The following ABI3BP variants were observed in gnomAD, a reference collection of about 807,000 sequenced individuals.
ABI3BP encodes the protein ABI family member 3 binding protein.
Under a neutral mutation model 268.6 loss-of-function variants are expected in ABI3BP, and 216 were observed. That is an observed-to-expected ratio of 0.80 (90% CI 0.72 to 0.90). The LOEUF is 0.90. ABI3BP is among the 40% of genes least tolerant of loss of function. The pLI, the probability that ABI3BP is intolerant of heterozygous loss-of-function variation, is 0.00. For missense variants in ABI3BP, 2,090 were observed against 2,182.4 expected (o/e 0.96, Z 0.84); for synonymous variants, 730 against 730.0 (o/e 1.00, Z 0.00).
chr3:100,831,717 T>C (rs2098497954), intron 31 of ABI3BP, among the ~76,000 whole-genome samples: 1 of 152,180 alleles, frequency 6.6e-6, no homozygotes, highest in Admixed American at 6.6e-5. Context: ...CTCATCCCTC[T>C]ACTCATCCAG....
intron 1 of ABI3BP, chr3:100,930,589 A>T (rs2063287565): frequency 6.6e-6 from 1 of 152,214 alleles, no homozygotes; most frequent in African/African-American, 2.4e-5. Context: ...CACAAACTAG[A>T]AAACCTAGAA....
chr3:100,955,276 G>A (rs769965520), intron 1 of ABI3BP, among the ~76,000 whole-genome samples: 2 of 152,112 alleles, frequency 1.3e-5, no homozygotes, highest in African/African-American at 2.4e-5. Flanking sequence ...CATGTCAGAC[G>A]GGTGTCTCAA....
chr3:100,810,503 G>T, intron 48 of ABI3BP, 26 bp from the exon 49 acceptor site: 2 of 1,504,576 alleles, frequency 1.3e-6, no homozygotes, highest in Non-Finnish European at 1.8e-6. Flanking sequence ...GAAAGTACGC[G>T]GGTTACTATA....
At chr3:100,753,519 T>G (rs527762640) in intron 65 of ABI3BP, among the ~76,000 whole-genome samples, 1 of 152,224 alleles carries the variant, frequency 6.6e-6, no homozygotes, top group Non-Finnish European at 1.5e-5. Context: ...CTCCAGCTCC[T>G]GGGCTCAAGC....
At chr3:100,809,126 C>G (rs1433594069) in intron 49 of ABI3BP, among the ~76,000 whole-genome samples, 1 of 152,032 alleles carries the variant, frequency 6.6e-6, no homozygotes, top group Non-Finnish European at 1.5e-5. Context: ...GTGGAATCTT[C>G]TTGCCTGTAG....
chr3:100,832,372 T>A, intron 30 of ABI3BP, 22 bp from the exon 31 acceptor site: 2 of 1,532,922 alleles, frequency 1.3e-6, no homozygotes, highest in Non-Finnish European at 8.7e-7. Context: ...AAATTTAGGA[T>A]TAATATGGTG....
At chr3:100,956,860 T>C in intron 1 of ABI3BP, among the ~76,000 whole-genome samples, 1 of 152,042 alleles carries the variant, frequency 6.6e-6, no homozygotes, top group South Asian at 2.1e-4. Context: ...GTGCAAAGAC[T>C]CAGAGAAAGG....
At chr3:100,840,776 C>T in intron 22 of ABI3BP, 44 bp downstream of exon 22, 1 of 1,483,434 alleles carries the variant, frequency 6.7e-7, no homozygotes, top group Non-Finnish European at 9.1e-7. Context: ...TACCAGCAGA[C>T]AGGAAAAGAA....
At chr3:100,773,793 T>C (rs955912628) in intron 61 of ABI3BP, among the ~76,000 whole-genome samples, 5 of 152,186 alleles carry the variant, frequency 3.3e-5, no homozygotes, top group African/African-American at 9.7e-5. Flanking sequence ...TGCAGCAACA[T>C]AGAGAAATCT....
intron 46 of ABI3BP, 40 bp downstream of exon 46, chr3:100,812,427 A>G: frequency 7.9e-7 from 1 of 1,259,794 alleles, no homozygotes; most frequent in Non-Finnish European, 1.0e-6. Context: ...TGAGATGGAA[A>G]AGCACATATG....
chr3:100,820,580 T>C (rs535023453), intron 39 of ABI3BP, among the ~76,000 whole-genome samples: 14 of 152,302 alleles, frequency 9.2e-5, no homozygotes, highest in Admixed American at 3.3e-4. Flanking sequence ...TGCTAAAATA[T>C]AGTGGTGGTG....
chr3:100,750,195 A>T lies in ABI3BP; in HGVS notation c.*300T>A, dbSNP rs1029954994. The T allele has an allele frequency of 9.5e-5, 23 of 241,278 alleles. No homozygotes were observed. The Admixed American group carries it at 1.0e-3, about 11-fold the overall frequency. The allele number at this position is 241,278 out of a possible 1,614,324, so 14.9% of individuals were successfully genotyped here. A position where few individuals can be genotyped will look rare whatever the true frequency, so the allele number is the denominator to read the frequency against. On this transcript the variant is annotated 3_prime_UTR_variant, in exon 68 of 68. Coordinates refer to ENST00000471714, the MANE Select transcript of ABI3BP (RefSeq NM_001375547.2). ...TTTTGTTATAAAAGTATCTCAAAAC[A>T]TCATTACAACAGTGTGATAAATAAT...
chr3:100,923,725 A>T (rs1203812234), intron 2 of ABI3BP, among the ~76,000 whole-genome samples: 2 of 152,234 alleles, frequency 1.3e-5, no homozygotes, highest in African/African-American at 4.8e-5. Flanking sequence ...TAAAAAGCAG[A>T]TGAGAGAAAT....
chr3:100,881,651 AAG>A (rs2039323631), intron 6 of ABI3BP, among the ~76,000 whole-genome samples: 1 of 141,818 alleles, frequency 7.1e-6, no homozygotes, highest in East Asian at 2.1e-4. Context: ...CTTCAAAAAA[AAG>A]AGTGTCCTAG....
chr3:100,910,557 AT>A (rs2153554322), intron 2 of ABI3BP, among the ~76,000 whole-genome samples: 1 of 151,734 alleles, frequency 6.6e-6, no homozygotes, highest in African/African-American at 2.4e-5. Flanking sequence ...TAAAAAAAAA[AT>A]AGAGATGGGT....
At chr3:100,810,878 T>C (rs902713117) in intron 48 of ABI3BP, among the ~76,000 whole-genome samples, 6 of 152,130 alleles carry the variant, frequency 3.9e-5, no homozygotes, top group Non-Finnish European at 8.8e-5. Flanking sequence ...GGAAAGTATG[T>C]TGCTAGGTCA....
Position 100,825,837 on chromosome 3 carries a change from A to G in ABI3BP, c.2610T>C (p.Val870=). 6.5e-7 allele frequency: 1 copy of G among 1,534,518 alleles called. No individual in the cohort carries two copies. Among genetic ancestry groups the G allele is most frequent in the East Asian group, 2.4e-5 (1 of 40,890 alleles). ...KEAPGTTFVP[V]TDLEPVTFRT... is the part of the protein sequence containing the mutation. The stretch of plus-strand genomic sequence containing the variant: ...TAAAAGTAACAGGCTCGAGGTCTGT[A>G]ACAGGAACTGAAGTAATAAGATAAA... Residue 870 remains valine, a synonymous_variant, in exon 35 of 68, where the codon GTT becomes GTC. Coordinates refer to ENST00000471714, the MANE Select transcript of ABI3BP (RefSeq NM_001375547.2).
intron 3 of ABI3BP, among the ~76,000 whole-genome samples, chr3:100,899,736 G>A (rs1395204455): frequency 2.6e-5 from 4 of 152,176 alleles, no homozygotes; most frequent in East Asian, 1.9e-4. Flanking sequence ...ATAAAAATCC[G>A]ATAGAAAGCC....
intron 62 of ABI3BP, among the ~76,000 whole-genome samples, chr3:100,766,408 C>T (rs2096271933): frequency 6.6e-6 from 1 of 152,186 alleles, no homozygotes; most frequent in East Asian, 1.9e-4. Flanking sequence ...CCTGGTATTG[C>T]TGCAGAAAAC....
Sources: allele counts gnomAD v4.1 joint callset (sites outside exome capture counted in the v4.1 genomes callset), GRCh38; gene constraint gnomAD v4.1.1; transcripts MANE v1.5; gene names NCBI Gene and HGNC (gene_info 2026-07-23, HGNC 2026-07-21).